The following JPH3 variants were observed in gnomAD, a reference collection of about 807,000 sequenced individuals.
JPH3 encodes the protein junctophilin 3.
In JPH3, 11 loss-of-function variants were observed where a neutral mutation model predicts 59.6. The observed-to-expected ratio is 0.18, with a 90% CI of 0.12 to 0.31. The LOEUF is 0.31. Ranked by LOEUF, JPH3 falls within the 10% of genes least tolerant of loss-of-function variation. The probability of loss-of-function intolerance (pLI) is 1.00; values close to 1 mark genes in which losing one functional copy is unlikely to be tolerated. For missense variants in JPH3, 1,202 were observed against 1,105.7 expected, an observed-to-expected ratio of 1.09 and a Z score of -1.24; for synonymous variants, 673 against 483.6, an observed-to-expected ratio of 1.39 and a Z score of -5.14.
At chr16:87,609,002 A>C (rs1298242303) in intron 1 of JPH3, among the ~76,000 whole-genome samples, 2 of 152,180 alleles carry the variant, frequency 1.3e-5, no homozygotes, top group East Asian at 1.9e-4. Context: ...GTGCCACTGC[A>C]CTCCAGCCTG....
chr16:87,659,087 G>A (rs1432803905), intron 2 of JPH3, among the ~76,000 whole-genome samples: 7 of 152,210 alleles, frequency 4.6e-5, no homozygotes, highest in East Asian at 1.9e-4. Context: ...GACGGCTGCT[G>A]GAACAGACGG....
intron 2 of JPH3, among the ~76,000 whole-genome samples, chr16:87,679,639 G>A (rs937168805): frequency 1.3e-5 from 2 of 152,228 alleles, no homozygotes; most frequent in African/African-American, 2.4e-5. Flanking sequence ...GCTGGTGTTC[G>A]CTGTCCGGGC....
At chr16:87,614,460 A>T (rs1279859006) in intron 1 of JPH3, among the ~76,000 whole-genome samples, 1 of 151,950 alleles carries the variant, frequency 6.6e-6, no homozygotes, top group Non-Finnish European at 1.5e-5. Context: ...CTCCCAGGAT[A>T]AGTGCTGGTC....
intron 2 of JPH3, among the ~76,000 whole-genome samples, chr16:87,651,262 C>T (rs761488498): frequency 3.5e-4 from 53 of 152,296 alleles, no homozygotes; most frequent in African/African-American, 1.2e-3. Context: ...CTACTCACCC[C>T]GGAGCGCCCA....
intron 4 of JPH3, chr16:87,694,928 C>G (rs1433329665): frequency 8.4e-6 from 2 of 239,410 alleles, no homozygotes; most frequent in Non-Finnish European, 1.7e-5. Flanking sequence ...CGGCCCATGT[C>G]TTCCCCGCTG....
At chr16:87,648,898 G>A (rs1009064257) in intron 2 of JPH3, among the ~76,000 whole-genome samples, 3 of 152,208 alleles carry the variant, frequency 2.0e-5, no homozygotes, top group South Asian at 2.1e-4. Context: ...ATGCTGACCT[G>A]GTCCCCAGGA....
intron 1 of JPH3, among the ~76,000 whole-genome samples, chr16:87,629,883 C>A (rs1597246275): frequency 1.3e-5 from 2 of 150,756 alleles, no homozygotes; most frequent in African/African-American, 4.8e-5. Context: ...CCACAAGATG[C>A]TAATATCAGG....
intron 1 of JPH3, among the ~76,000 whole-genome samples, chr16:87,613,946 C>T (rs1021684808): frequency 5.3e-5 from 8 of 152,108 alleles, no homozygotes; most frequent in Admixed American, 1.3e-4. Context: ...TGTTTCTGGC[C>T]GCAGAATTGT....
intron 1 of JPH3, among the ~76,000 whole-genome samples, chr16:87,629,343 A>G (rs1013726608): frequency 6.6e-6 from 1 of 151,868 alleles, no homozygotes; most frequent in African/African-American, 2.4e-5. Context: ...AAGATAATGT[A>G]TATTTTAGTA....
chr16:87,650,736 G>A (rs2032301374), intron 2 of JPH3, among the ~76,000 whole-genome samples: 1 of 152,236 alleles, frequency 6.6e-6, no homozygotes, highest in Non-Finnish European at 1.5e-5. Context: ...TCCAGAGCAA[G>A]GCTCAACTCT....
chr16:87,613,961 G>T (rs753437006), intron 1 of JPH3, among the ~76,000 whole-genome samples: 4 of 152,094 alleles, frequency 2.6e-5, no homozygotes, highest in Admixed American at 1.3e-4. Flanking sequence ...AATTGTTTCC[G>T]GCGCTCCGAG....
chr16:87,685,924 T>C (rs1484944319), intron 3 of JPH3, among the ~76,000 whole-genome samples: 1 of 152,040 alleles, frequency 6.6e-6, no homozygotes, highest in Non-Finnish European at 1.5e-5. Context: ...TCTGTGCAGG[T>C]GTCATTATGG....
rs796326601 is a variant in JPH3 at position 87,625,088 on chromosome 16, C to T, written c.383-19170C>T. Among the ~76,000 whole-genome samples the T allele has an allele frequency of 2.0e-5, 3 of 152,212 alleles. No individual in the cohort carries two copies. In the South Asian group the frequency reaches 6.2e-4, roughly 31 times the overall value. Reference sequence around the variant, plus strand: ...TGCTGGGATTACAGGCGTGAGCTGCCTCACCTGGCCTTATTTTATATACTT... The same window carrying T: ...TGCTGGGATTACAGGCGTGAGCTGCTTCACCTGGCCTTATTTTATATACTT... On this transcript the variant is annotated intron_variant, in intron 1 of 4. Coordinates refer to ENST00000284262, the MANE Select transcript of JPH3 (RefSeq NM_020655.4).
intron 2 of JPH3, among the ~76,000 whole-genome samples, chr16:87,680,944 G>C (rs532661703): frequency 1.3e-5 from 2 of 152,280 alleles, no homozygotes; most frequent in South Asian, 4.1e-4. Context: ...GCCCATCCGG[G>C]GAGTTTCCCA....
At chr16:87,669,039 G>T (rs919417437) in intron 2 of JPH3, among the ~76,000 whole-genome samples, 3 of 152,206 alleles carry the variant, frequency 2.0e-5, no homozygotes, top group African/African-American at 7.2e-5. Flanking sequence ...GGAGCACTGA[G>T]AATTAGTAAG....
chr16:87,644,505 G>C lies in JPH3; in HGVS notation c.630G>C (p.Lys210Asn). The change falls in exon 2 of 5, where the codon AAG (lysine) becomes AAC (asparagine). Residue 210 changes from lysine (K) to asparagine (N), a missense_variant. Physicochemically the swap from Lys to Asn is moderately conservative, Grantham distance 94. Coordinates refer to ENST00000284262, the MANE Select transcript of JPH3 (RefSeq NM_020655.4). Reference protein sequence around the residue: ...AHSDSEILKSKKKGLFRRSLL... With the variant: ...AHSDSEILKSNKKGLFRRSLL... The stretch of plus-strand genomic sequence containing the variant: ...GTGACTCCGAGATCCTCAAGAGCAA[G>C]AAGAAGGGGCTGTTTCGGCGCTCGC... The C allele has an allele frequency of 1.2e-6, 2 of 1,612,886 alleles. No individual in the cohort carries two copies. The highest frequency in any genetic ancestry group is 1.7e-6 in the Non-Finnish European group (2 of 1,179,832).
At chr16:87,655,811 C>T (rs574263888) in intron 2 of JPH3, among the ~76,000 whole-genome samples, 2 of 152,388 alleles carry the variant, frequency 1.3e-5, no homozygotes, top group South Asian at 4.1e-4. Flanking sequence ...CCTGCGTCTG[C>T]TCTGCCCACC....
intron 2 of JPH3, among the ~76,000 whole-genome samples, chr16:87,645,589 G>A (rs1332303126): frequency 1.3e-5 from 2 of 152,188 alleles, no homozygotes; most frequent in Admixed American, 6.5e-5. Context: ...GGGGGCAGCC[G>A]CTGTTCTGAA....
At position 87,639,126 on chromosome 16, in the gene JPH3, G is replaced by A. The variant is rs377488690; in HGVS notation, c.383-5132G>A. Among the ~76,000 whole-genome samples the A allele has an allele frequency of 7.9e-5, 12 of 152,284 alleles. No homozygotes were observed. The South Asian group carries it at 2.3e-3, about 29-fold the overall frequency. On this transcript the variant is annotated intron_variant, in intron 1 of 4. Transcript: ENST00000284262. The stretch of plus-strand genomic sequence containing the variant: ...GGGAAGAGAGGTGCAGGGCTTTTGC[G>A]ATGATCATAATAGTTACCATCAATC...
Sources: gnomAD v4.1 joint callset for allele counts (sites outside exome capture counted in the v4.1 genomes callset) on GRCh38, gnomAD v4.1.1 for gene constraint, MANE v1.5 for transcripts, NCBI Gene and HGNC (gene_info 2026-07-23, HGNC 2026-07-21) for gene names.